ZC2HC1A: variants seen among roughly 807,000 people sequenced by gnomAD.
ZC2HC1A encodes the protein zinc finger C2HC domain-containing protein 1A.
In ZC2HC1A, 28 loss-of-function variants were observed where a neutral mutation model predicts 40.7. That is an observed-to-expected ratio of 0.69 (90% CI 0.51 to 0.94). ZC2HC1A has a LOEUF of 0.94. Ranked by LOEUF, ZC2HC1A falls within the 40% of genes least tolerant of loss-of-function variation. ZC2HC1A has a pLI of 0.00. For missense variants in ZC2HC1A, 389 were observed against 386.3 expected (o/e 1.01, Z -0.06); for synonymous variants, 129 against 129.2 (o/e 1.00, Z 0.01).
intron 4 of ZC2HC1A, 102 bp downstream of exon 4, chr8:78,686,710 G>A: frequency 4.1e-6 from 5 of 1,217,126 alleles, no homozygotes; most frequent in Non-Finnish European, 5.3e-6. Context: ...ATCATGGAGT[G>A]TTATGAGGCA....
intron 7 of ZC2HC1A, among the ~76,000 whole-genome samples, chr8:78,709,459 A>G (rs1436444748): frequency 6.6e-6 from 1 of 152,206 alleles, no homozygotes; most frequent in Non-Finnish European, 1.5e-5. Context: ...GTGATAACCT[A>G]GAATTCCAGA....
At chr8:78,682,526 C>T (rs562308011) in intron 3 of ZC2HC1A, among the ~76,000 whole-genome samples, 155 of 152,238 alleles carry the variant, frequency 1.0e-3, no homozygotes, top group South Asian at 1.7e-3. Flanking sequence ...TTCACTATCA[C>T]GAGCACAACA....
At chr8:78,686,709 T>C in intron 4 of ZC2HC1A, 101 bp downstream of exon 4, 3 of 1,224,898 alleles carry the variant, frequency 2.4e-6, no homozygotes, top group Non-Finnish European at 3.2e-6. Context: ...AATCATGGAG[T>C]GTTATGAGGC....
intron 3 of ZC2HC1A, among the ~76,000 whole-genome samples, chr8:78,680,745 G>C (rs1289565328): frequency 6.6e-6 from 1 of 152,180 alleles, no homozygotes; most frequent in Non-Finnish European, 1.5e-5. Context: ...GAAATTGCTT[G>C]GGGGCCTGTG....
At chr8:78,693,576 G>T (rs929985346) in intron 5 of ZC2HC1A, among the ~76,000 whole-genome samples, 13 of 152,002 alleles carry the variant, frequency 8.6e-5, no homozygotes, top group African/African-American at 3.1e-4. Flanking sequence ...TTTTGATGGG[G>T]TTGTTTGTTT....
Position 78,675,826 on chromosome 8 carries a change from G to A in ZC2HC1A, c.56G>A (p.Cys19Tyr). 6.2e-7 allele frequency: 1 copy of A among 1,610,238 alleles called. No individual in the cohort carries two copies. ...GTCCAAGTTGGAGAATTGTTACCTT[G>A]CAAGATTTGTGGAAGAACATTCTTT... ...GVVQVGELLP[C>Y]KICGRTFFPV... is the part of the protein sequence containing the mutation. Residue 19 changes from cysteine (C) to tyrosine (Y), a missense_variant, in exon 2 of 9, where the codon TGC (cysteine) becomes TAC (tyrosine). Transcript: ENST00000263849.
intron 7 of ZC2HC1A, among the ~76,000 whole-genome samples, chr8:78,709,618 C>G (rs1185165300): frequency 6.6e-6 from 1 of 151,306 alleles, no homozygotes; most frequent in Non-Finnish European, 1.5e-5. Flanking sequence ...TGCCTTAGAG[C>G]AGGGGGGTGT....
intron 6 of ZC2HC1A, among the ~76,000 whole-genome samples, chr8:78,697,969 T>A (rs555342209): frequency 6.6e-6 from 1 of 152,272 alleles, no homozygotes; most frequent in South Asian, 2.1e-4. Flanking sequence ...TGAGCCACCG[T>A]GGTGCCGAGC....
At chr8:78,677,143 T>C (rs1391268574) in intron 2 of ZC2HC1A, among the ~76,000 whole-genome samples, 1 of 152,156 alleles carries the variant, frequency 6.6e-6, no homozygotes, top group Non-Finnish European at 1.5e-5. Flanking sequence ...TTTTATTTTT[T>C]CCCAAAGTTT....
chr8:78,701,987 T>C (rs1285054229), intron 7 of ZC2HC1A, among the ~76,000 whole-genome samples: 1 of 152,206 alleles, frequency 6.6e-6, no homozygotes. Flanking sequence ...GCTGGCCTTA[T>C]AGAATGAACT....
At chr8:78,705,507 G>C (rs370092859) in intron 7 of ZC2HC1A, among the ~76,000 whole-genome samples, 72 of 152,298 alleles carry the variant, frequency 4.7e-4, no homozygotes, top group African/African-American at 1.5e-3. Context: ...ACACCTGTGG[G>C]TGTGGCTGAA....
intron 1 of ZC2HC1A, among the ~76,000 whole-genome samples, chr8:78,666,874 CTA>C (rs1394877334): frequency 1.3e-5 from 2 of 152,176 alleles, no homozygotes; most frequent in Non-Finnish European, 2.9e-5. Context: ...CACTTTTTCT[CTA>C]TTCTGTTTAC....
At chr8:78,668,141 G>A (rs543333686) in intron 1 of ZC2HC1A, among the ~76,000 whole-genome samples, 4 of 152,104 alleles carry the variant, frequency 2.6e-5, no homozygotes, top group African/African-American at 9.6e-5. Flanking sequence ...TTAGGATGGT[G>A]CCTTTCTCTC....
chr8:78,690,598 T>C (rs1036375739), intron 5 of ZC2HC1A, among the ~76,000 whole-genome samples: 6 of 151,862 alleles, frequency 4.0e-5, no homozygotes, highest in African/African-American at 1.5e-4. Context: ...TTGATTTACA[T>C]TTATATATAC....
chr8:78,712,058 C>A, intron 7 of ZC2HC1A: 1 of 1,289,594 alleles, frequency 7.8e-7, no homozygotes, highest in Non-Finnish European at 1.0e-6. Flanking sequence ...GACAGTGATA[C>A]AAAATCAGAC....
intron 1 of ZC2HC1A, among the ~76,000 whole-genome samples, chr8:78,675,120 T>A (rs976806194): frequency 6.6e-6 from 1 of 151,666 alleles, no homozygotes; most frequent in African/African-American, 2.4e-5. Flanking sequence ...TTCAGTTACA[T>A]GATAGTTATA....
At chr8:78,705,452 G>T (rs1247054613) in intron 7 of ZC2HC1A, among the ~76,000 whole-genome samples, 1 of 152,124 alleles carries the variant, frequency 6.6e-6, no homozygotes, top group Admixed American at 6.5e-5. Context: ...CCCTCCTCCT[G>T]GGAGCTTCAT....
intron 1 of ZC2HC1A, among the ~76,000 whole-genome samples, chr8:78,674,955 A>G (rs1809533273): frequency 1.3e-5 from 2 of 152,108 alleles, no homozygotes; most frequent in South Asian, 2.1e-4. Flanking sequence ...ATGTTTAAGT[A>G]TCATTTTTAG....
intron 4 of ZC2HC1A, among the ~76,000 whole-genome samples, chr8:78,687,098 C>T (rs953227955): frequency 6.6e-6 from 1 of 151,946 alleles, no homozygotes; most frequent in African/African-American, 2.4e-5. Flanking sequence ...TCTCATTGAG[C>T]AGATAAAAGT....
Sources: allele counts gnomAD v4.1 joint callset (sites outside exome capture counted in the v4.1 genomes callset), GRCh38; gene constraint gnomAD v4.1.1; transcripts MANE v1.5; gene names NCBI Gene and HGNC (gene_info 2026-07-23, HGNC 2026-07-21).